The following KRABD5 variants were observed in gnomAD, a reference collection of about 807,000 sequenced individuals.
KRABD5 encodes KRAB domain containing 5, also known as KRAB domain-containing protein 5.
chr16:31,713,548 AC>A, the KRABD5 span: 172 of 1,425,396 alleles, frequency 1.2e-4, 2 homozygotes, highest in African/African-American at 2.2e-3. Flanking sequence ...CGCGGACGCA[AC>A]TCGGCCCTTG....
the KRABD5 span, among the ~76,000 whole-genome samples, chr16:31,721,227 CTTAA>C: frequency 2.0e-5 from 3 of 152,044 alleles, no homozygotes; most frequent in Non-Finnish European, 4.4e-5. Flanking sequence ...TAAAATATTT[CTTAA>C]TTAAGAAATG....
the KRABD5 span, chr16:31,753,971 C>A: frequency 6.5e-7 from 1 of 1,529,988 alleles, no homozygotes; most frequent in South Asian, 1.2e-5. Flanking sequence ...ATAACAAAAA[C>A]CTCACTGTTA....
chr16:31,715,443 C>T, the KRABD5 span, among the ~76,000 whole-genome samples: 17 of 152,220 alleles, frequency 1.1e-4, no homozygotes, highest in Admixed American at 5.2e-4. Context: ...CTACCTACTC[C>T]ATCTTTTCCC....
the KRABD5 span, among the ~76,000 whole-genome samples, chr16:31,738,947 C>T: frequency 2.6e-5 from 4 of 152,122 alleles, no homozygotes; most frequent in Non-Finnish European, 4.4e-5. Flanking sequence ...AATCCTGCCT[C>T]TTTATGAACT....
At chr16:31,755,594 C>A in the KRABD5 span, 30 of 472,826 alleles carry the variant, frequency 6.3e-5, no homozygotes, top group Middle Eastern at 3.2e-4. Flanking sequence ...GTCTTCAAAC[C>A]TTAGACGACA....
At chr16:31,719,168 A>ATCATGTGATCCGGTGCTTG in the KRABD5 span, among the ~76,000 whole-genome samples, 1 of 152,236 alleles carries the variant, frequency 6.6e-6, no homozygotes, top group Admixed American at 6.5e-5. Context: ...CAAATTCAGC[A>ATCATGTGATCCGGTGCTTG]TCATGTGATC....
the KRABD5 span, among the ~76,000 whole-genome samples, chr16:31,729,690 T>A: frequency 6.6e-6 from 1 of 152,230 alleles, no homozygotes; most frequent in East Asian, 1.9e-4. Context: ...TAAGTTTGTT[T>A]TCTATTTTAT....
chr16:31,741,901 C>A, the KRABD5 span, among the ~76,000 whole-genome samples: 1 of 152,058 alleles, frequency 6.6e-6, no homozygotes, highest in Admixed American at 6.5e-5. Context: ...GCCAGATTTT[C>A]TTCTAGTATT....
At chr16:31,743,332 CT>C in the KRABD5 span, among the ~76,000 whole-genome samples, 231 of 152,232 alleles carry the variant, frequency 1.5e-3, 2 homozygotes, top group African/African-American at 5.4e-3. Flanking sequence ...TTTCTGTTTT[CT>C]GCATATGGCT....
At chr16:31,722,682 C>T in the KRABD5 span, 1 of 1,613,274 alleles carries the variant, frequency 6.2e-7, no homozygotes, top group Non-Finnish European at 8.5e-7. Flanking sequence ...AGTGGGAACA[C>T]CTGGACTCAG....
chr16:31,715,960 A>G, the KRABD5 span, among the ~76,000 whole-genome samples: 1 of 152,174 alleles, frequency 6.6e-6, no homozygotes, highest in Non-Finnish European at 1.5e-5. Flanking sequence ...AAAGGGAAGA[A>G]GTTCTGAGAA....
At chr16:31,720,887 G>T in the KRABD5 span, among the ~76,000 whole-genome samples, 19,394 of 152,044 alleles carry the variant, frequency 0.13, 1,584 homozygotes, top group South Asian at 0.32. Flanking sequence ...TCTCACATTT[G>T]TTGACCGTAA....
the KRABD5 span, among the ~76,000 whole-genome samples, chr16:31,719,619 G>C: frequency 6.6e-6 from 1 of 152,184 alleles, no homozygotes; most frequent in Non-Finnish European, 1.5e-5. Context: ...TCTGAGCTTG[G>C]TTCAGGTCTG....
the KRABD5 span, chr16:31,758,222 G>T: frequency 3.3e-5 from 5 of 152,126 alleles, 1 homozygote; most frequent in Admixed American, 3.3e-4. Flanking sequence ...CCTCCCAATG[G>T]TCCAAGCTCC....
the KRABD5 span, among the ~76,000 whole-genome samples, chr16:31,724,279 TC>T: frequency 6.6e-6 from 1 of 152,170 alleles, no homozygotes; most frequent in African/African-American, 2.4e-5. Context: ...AAGAGGTGCA[TC>T]CTGATCGTTT....
the KRABD5 span, chr16:31,713,475 G>T: frequency 6.3e-7 from 1 of 1,592,616 alleles, no homozygotes; most frequent in African/African-American, 1.3e-5. Flanking sequence ...AGAGGGAGAG[G>T]GGCGGTCGGA....
chr16:31,753,301 ATGTT>A, the KRABD5 span, among the ~76,000 whole-genome samples: 1 of 152,092 alleles, frequency 6.6e-6, no homozygotes, highest in African/African-American at 2.4e-5. Flanking sequence ...ACAAGCATTC[ATGTT>A]TGTTCTCAGT....
chr16:31,714,910 T>C, the KRABD5 span, among the ~76,000 whole-genome samples: 1 of 152,120 alleles, frequency 6.6e-6, no homozygotes, highest in Non-Finnish European at 1.5e-5. Context: ...TGGATATAGG[T>C]AAGAAGTGCC....
the KRABD5 span, among the ~76,000 whole-genome samples, chr16:31,742,110 T>C: frequency 6.6e-6 from 1 of 152,080 alleles, no homozygotes; most frequent in Non-Finnish European, 1.5e-5. Flanking sequence ...TGTGTGCCTC[T>C]ATTTATTTCT....
Sources: allele counts gnomAD v4.1 joint callset (sites outside exome capture counted in the v4.1 genomes callset), GRCh38; gene constraint gnomAD v4.1.1; transcripts MANE v1.5; gene names NCBI Gene and HGNC (gene_info 2026-07-23, HGNC 2026-07-21).